Variants in PAPOLG observed in about 807,000 individuals in gnomAD.
PAPOLG encodes the protein poly(A) polymerase gamma, also known as PAP-gamma.
In PAPOLG, 40 loss-of-function variants were observed where a neutral mutation model predicts 99.0. The ratio of observed to expected loss-of-function variants is 0.40; its 90% CI spans 0.31 to 0.53. PAPOLG has a LOEUF of 0.53. PAPOLG is among the 20% of genes least tolerant of loss of function. The probability of loss-of-function intolerance (pLI) is 0.41; values close to 1 mark genes in which losing one functional copy is unlikely to be tolerated. For synonymous variants in PAPOLG, 310 were observed against 299.3 expected (o/e 1.04, Z -0.37); for missense variants, 675 against 884.1 (o/e 0.76, Z 3.00).
intron 19 of PAPOLG, 145 bp from the exon 20 acceptor site, chr2:60,794,565 T>A: frequency 1.4e-6 from 1 of 696,126 alleles, no homozygotes; most frequent in Non-Finnish European, 2.3e-6. Context: ...GAATTCAATC[T>A]AATTTAAATT....
intron 15 of PAPOLG, among the ~76,000 whole-genome samples, chr2:60,788,035 G>A (rs1671419590): frequency 6.7e-6 from 1 of 150,146 alleles, no homozygotes; most frequent in East Asian, 2.0e-4. Flanking sequence ...GAGTGAGACT[G>A]TCTCAAAAAA....
intron 1 of PAPOLG, among the ~76,000 whole-genome samples, chr2:60,758,828 A>G (rs1670437104): frequency 6.6e-6 from 1 of 152,100 alleles, no homozygotes; most frequent in African/African-American, 2.4e-5. Context: ...CAATTAAACA[A>G]TCTCTATTGT....
At chr2:60,789,873 T>G (rs1334235404) in intron 15 of PAPOLG, among the ~76,000 whole-genome samples, 1 of 152,194 alleles carries the variant, frequency 6.6e-6, no homozygotes, top group African/African-American at 2.4e-5. Context: ...GCAAATTACC[T>G]GAGGTCTGGA....
At chr2:60,759,635 G>T (rs1382675013) in intron 1 of PAPOLG, among the ~76,000 whole-genome samples, 1 of 152,190 alleles carries the variant, frequency 6.6e-6, no homozygotes, top group African/African-American at 2.4e-5. Flanking sequence ...AAATCTAATT[G>T]TGATTTCTTT....
At chr2:60,763,399 T>C (rs1346125098) in intron 3 of PAPOLG, among the ~76,000 whole-genome samples, 1 of 152,264 alleles carries the variant, frequency 6.6e-6, no homozygotes. Flanking sequence ...TGCTTGATTT[T>C]TTATGGCTTT....
rs912262646 is a variant in PAPOLG at position 60,801,270 on chromosome 2, T to C, written c.*4110T>C. On this transcript the variant is annotated 3_prime_UTR_variant, in exon 22 of 22. Coordinates refer to ENST00000238714, the MANE Select transcript of PAPOLG (RefSeq NM_022894.4). ...ATAGTTTAGGGAAAAAAAAAAACTT[T>C]GTATAAATAAAATTGTATGTGTGTT... The C allele has an allele frequency of 2.6e-5, 4 of 152,164 alleles. No individual in the cohort carries two copies. Among genetic ancestry groups the C allele is most frequent in the African/African-American group, 9.7e-5 (4 of 41,424 alleles). The allele number at this position is 152,164 out of a possible 1,614,324, so 9.4% of individuals were successfully genotyped here.
At chr2:60,765,707 T>C (rs1670657618) in intron 3 of PAPOLG, among the ~76,000 whole-genome samples, 1 of 152,238 alleles carries the variant, frequency 6.6e-6, no homozygotes, top group African/African-American at 2.4e-5. Context: ...TGATTTAGCA[T>C]ATCACTTTCT....
intron 7 of PAPOLG, among the ~76,000 whole-genome samples, chr2:60,774,540 A>G (rs972339778): frequency 4.6e-5 from 7 of 151,976 alleles, no homozygotes; most frequent in African/African-American, 1.2e-4. Context: ...TAATTTTTGT[A>G]TGTTTAGTAG....
In PAPOLG at chr2:60,797,155, C is replaced by A; in HGVS notation, c.2206C>A (p.Arg736=). 1 of 1,614,012 alleles carries A rather than the reference C, an allele frequency of 6.2e-7. No homozygotes were observed. The highest frequency in any genetic ancestry group is 8.5e-7 in the Non-Finnish European group (1 of 1,179,944). ...IKNSIRLTLN[R] Reference sequence around the variant, plus strand: ...AAATTCCATTCGACTGACCCTTAATCGGTAAAAGCAGTGCCTCCTCACTTA... The same window carrying A: ...AAATTCCATTCGACTGACCCTTAATAGGTAAAAGCAGTGCCTCCTCACTTA... The change falls in exon 22 of 22, where the codon CGG becomes AGG. Residue 736 remains arginine (R), a synonymous_variant. Transcript: ENST00000238714.
In PAPOLG at chr2:60,797,401, A is replaced by G. The variant is rs1671744114; in HGVS notation, c.*241A>G. ...CACCTGCTGTCAAATTGCCATCTAC[A>G]GTATTACAGCTTTGCATTTGGGGGT... On this transcript the variant is annotated 3_prime_UTR_variant, in exon 22 of 22. Transcript: ENST00000238714. The G allele has an allele frequency of 1.3e-5, 7 of 519,730 alleles. No individual in the cohort carries two copies. The East Asian group carries it at 1.9e-4, about 14-fold the overall frequency. 32.2% of individuals were successfully genotyped at this position (519,730 alleles called of 1,614,324 possible).
intron 15 of PAPOLG, among the ~76,000 whole-genome samples, chr2:60,789,178 G>C (rs1671456347): frequency 6.6e-6 from 1 of 151,986 alleles, no homozygotes; most frequent in Non-Finnish European, 1.5e-5. Context: ...GGACTGTTGT[G>C]GGGTGGGGGG....
intron 3 of PAPOLG, among the ~76,000 whole-genome samples, chr2:60,762,021 T>C (rs1311939003): frequency 6.6e-6 from 1 of 152,228 alleles, no homozygotes; most frequent in Non-Finnish European, 1.5e-5. Flanking sequence ...CATAATTGTC[T>C]TATTTGACTC....
Position 60,768,457 on chromosome 2 carries a change from AATTT to A in PAPOLG, c.247-12_247-9del. The A allele has an allele frequency of 6.2e-7, 1 of 1,611,716 alleles. No individual in the cohort carries two copies. Among genetic ancestry groups the A allele is most frequent in the Non-Finnish European group, 8.5e-7 (1 of 1,179,068 alleles). On this transcript the variant is annotated splice_polypyrimidine_tract_variant and intron_variant, in intron 3 of 21. Coordinates refer to ENST00000238714, the MANE Select transcript of PAPOLG (RefSeq NM_022894.4). The stretch of plus-strand genomic sequence containing the variant: ...TTGAATAATTGAATGTCTTCCGCTT[AATTT>A]TATTTTAGAACCTCCCACCTTCTGT...
intron 7 of PAPOLG, among the ~76,000 whole-genome samples, chr2:60,774,016 CT>C (rs1420647672): frequency 9.2e-5 from 14 of 152,144 alleles, no homozygotes. Flanking sequence ...CTTTCCCCAC[CT>C]TTATTTTTAA....
chr2:60,764,282 C>T lies in PAPOLG; in HGVS notation c.246+2475C>T, dbSNP rs529147619. Among the ~76,000 whole-genome samples, 3 of 152,278 alleles carry T rather than the reference C, an allele frequency of 2.0e-5. No individual in the cohort carries two copies. The East Asian group carries it at 5.8e-4, about 29-fold the overall frequency. ...CATAGTTTTCCTATCTTTGCCTTAA[C>T]AGCAGTCAGTTGAAAGCCCACTGTT... On this transcript the variant is annotated intron_variant, in intron 3 of 21. Transcript: ENST00000238714.
At chr2:60,770,619 T>C (rs1670822696) in intron 6 of PAPOLG, 108 bp downstream of exon 6, 3 of 680,896 alleles carry the variant, frequency 4.4e-6, no homozygotes, top group Admixed American at 7.4e-5. Context: ...AATCAAGTAA[T>C]CTCTTTTTTT....
intron 3 of PAPOLG, among the ~76,000 whole-genome samples, chr2:60,762,223 T>G (rs1222075282): frequency 1.3e-5 from 2 of 152,122 alleles, no homozygotes; most frequent in African/African-American, 4.8e-5. Context: ...TGCAAGGTGA[T>G]TAATTGAGCA....
In PAPOLG at chr2:60,797,764, A is replaced by G. The variant is rs1013587863; in HGVS notation, c.*604A>G. ...TTCCAGATTGGCACATGAAATATTTAAACTTTTTTGTGTGCCTTTCTGTCC... is the reference window on the plus strand; with the variant it reads ...TTCCAGATTGGCACATGAAATATTTGAACTTTTTTGTGTGCCTTTCTGTCC... On this transcript the variant is annotated 3_prime_UTR_variant, in exon 22 of 22. Coordinates refer to ENST00000238714, the MANE Select transcript of PAPOLG (RefSeq NM_022894.4). 10 of 152,898 alleles carry G rather than the reference A, an allele frequency of 6.5e-5. No homozygotes were observed. The highest frequency in any genetic ancestry group is 1.3e-4 in the Admixed American group (2 of 15,296). 9.5% of individuals were successfully genotyped at this position (152,898 alleles called of 1,614,324 possible). A position where few individuals can be genotyped will look rare whatever the true frequency, so the allele number is the denominator to read the frequency against.
chr2:60,787,112 T>C (rs997349067), intron 14 of PAPOLG, 46 bp downstream of exon 14: 1 of 1,439,472 alleles, frequency 6.9e-7, no homozygotes, highest in Non-Finnish European at 9.4e-7. Flanking sequence ...ATAATGTTAT[T>C]TGGTATATGC....
Sources: allele counts gnomAD v4.1 joint callset (sites outside exome capture counted in the v4.1 genomes callset), GRCh38; gene constraint gnomAD v4.1.1; transcripts MANE v1.5; gene names NCBI Gene and HGNC (gene_info 2026-07-23, HGNC 2026-07-21).